The following ZNF251 variants were observed in gnomAD, a reference collection of about 807,000 sequenced individuals.
The protein encoded by ZNF251 is zinc finger protein 251.
A neutral mutation model predicts 13.5 loss-of-function variants in ZNF251; 14 were observed. That is an observed-to-expected ratio of 1.04 (90% CI 0.69 to 1.63). ZNF251 has a LOEUF of 1.63. Among genes scored for constraint, ZNF251 ranks in the 40% most tolerant of loss-of-function variants. The probability of loss-of-function intolerance (pLI) is 0.00; values close to 1 mark genes in which losing one functional copy is unlikely to be tolerated. For synonymous variants in ZNF251, 287 were observed against 295.2 expected (o/e 0.97, Z 0.28); for missense variants, 764 against 834.9 (o/e 0.92, Z 1.05).
chr8:144,741,432 T>C (rs912939718), intron 4 of ZNF251, among the ~76,000 whole-genome samples: 1 of 152,190 alleles, frequency 6.6e-6, no homozygotes, highest in African/African-American at 2.4e-5. Context: ...CATACACCCA[T>C]ACATACAGAA....
intron 4 of ZNF251, among the ~76,000 whole-genome samples, chr8:144,750,093 A>C (rs1824623911): frequency 6.6e-6 from 1 of 152,048 alleles, no homozygotes; most frequent in Non-Finnish European, 1.5e-5. Flanking sequence ...AGCCCTCAGC[A>C]CGTTAATCAT....
At chr8:144,737,504 G>A (rs1248258062) in intron 4 of ZNF251, among the ~76,000 whole-genome samples, 2 of 151,064 alleles carry the variant, frequency 1.3e-5, no homozygotes, top group Non-Finnish European at 2.9e-5. Flanking sequence ...GCGAGATTCC[G>A]TCGCAAAAAC....
chr8:144,754,575 G>A, intron 2 of ZNF251, 121 bp downstream of exon 2: 6 of 1,465,510 alleles, frequency 4.1e-6, no homozygotes, highest in Non-Finnish European at 5.4e-6. Flanking sequence ...CTTTCCTCAC[G>A]GTTGCTATGA....
In ZNF251 at chr8:144,754,771, G is replaced by C. The variant is rs1375770723; in HGVS notation, c.-43C>G. 3 of 1,605,166 alleles carry C rather than the reference G, an allele frequency of 1.9e-6. No individual in the cohort carries two copies. Among genetic ancestry groups the C allele is most frequent in the Non-Finnish European group, 2.6e-6 (3 of 1,176,016 alleles). On this transcript the variant is annotated 5_prime_UTR_variant, in exon 2 of 5. Transcript: ENST00000292562. ...CTGTGGTTTCCAAGAGAAGACAGGA[G>C]ACTGCCCTGGCCTGAAGTCTCCCCG...
chr8:144,730,630 CA>C (rs1823666189), intron 4 of ZNF251, among the ~76,000 whole-genome samples: 1 of 152,194 alleles, frequency 6.6e-6, no homozygotes. Context: ...AAGGGACCCC[CA>C]ACAAACACGA....
rs144551115 is a variant in ZNF251, at chr8:144,730,987, G to A, written c.278-7605C>T. ...ACAGCAGCACCTTGGGCACTGTGTC[G>A]CGCAGACACATGGGATTAAGACTGA... On this transcript the variant is annotated intron_variant, in intron 4 of 4. Coordinates refer to ENST00000292562, the MANE Select transcript of ZNF251 (RefSeq NM_138367.2). Among the ~76,000 whole-genome samples the A allele has an allele frequency of 3.1e-3, 473 of 152,262 alleles. 3 individuals are homozygous for A. Among genetic ancestry groups the A allele is most frequent in the African/African-American group, 5.3e-3 (220 of 41,556 alleles).
chr8:144,737,344 C>A (rs375802372), intron 4 of ZNF251, among the ~76,000 whole-genome samples: 1 of 151,416 alleles, frequency 6.6e-6, no homozygotes, highest in Non-Finnish European at 1.5e-5. Flanking sequence ...GTGATCTGCC[C>A]GCTTTGGCCT....
At chr8:144,738,703 G>A (rs1824015270) in intron 4 of ZNF251, 2 of 985,276 alleles carry the variant, frequency 2.0e-6, no homozygotes, top group South Asian at 9.4e-5. Context: ...CCTCGTGGGG[G>A]CACCTGTTTG....
rs1411422590 is a variant in ZNF251, at chr8:144,755,519, C to G, written c.-190G>C. On this transcript the variant is annotated 5_prime_UTR_variant, in exon 1 of 5. Transcript: ENST00000292562. Reference sequence around the variant, plus strand: ...GGTCCAGAGCCGGGGAGGGGGCGGGCTAGGATGAAGAGGGCGGGCCGGGCC... The same window carrying G: ...GGTCCAGAGCCGGGGAGGGGGCGGGGTAGGATGAAGAGGGCGGGCCGGGCC... 25 of 1,285,832 alleles carry G rather than the reference C, an allele frequency of 1.9e-5. No individual in the cohort carries two copies. The highest frequency in any genetic ancestry group is 2.4e-5 in the Non-Finnish European group (24 of 988,100). 79.7% of individuals were successfully genotyped at this position (1,285,832 alleles called of 1,614,324 possible). A position where few individuals can be genotyped will look rare whatever the true frequency, so the allele number is the denominator to read the frequency against.
chr8:144,752,411 C>T (rs563140159), intron 4 of ZNF251, among the ~76,000 whole-genome samples: 1 of 152,282 alleles, frequency 6.6e-6, no homozygotes, highest in East Asian at 1.9e-4. Context: ...CACCAACTAT[C>T]TGGAAATTAA....
At chr8:144,753,457 G>C (rs1460055654) in intron 4 of ZNF251, 2 of 451,004 alleles carry the variant, frequency 4.4e-6, no homozygotes, top group African/African-American at 4.0e-5. Context: ...ACAAAAATAT[G>C]ATCAGAAGTA....
intron 4 of ZNF251, among the ~76,000 whole-genome samples, chr8:144,724,917 GCTT>G (rs1459461527): frequency 2.0e-5 from 3 of 152,148 alleles, no homozygotes; most frequent in African/African-American, 7.2e-5. Flanking sequence ...AGCCATCTGG[GCTT>G]GGCATTTTTT....
At chr8:144,748,746 T>C (rs1407186462) in intron 4 of ZNF251, among the ~76,000 whole-genome samples, 1 of 152,100 alleles carries the variant, frequency 6.6e-6, no homozygotes, top group Non-Finnish European at 1.5e-5. Context: ...AACTTTTTGA[T>C]GAGATGATTT....
At chr8:144,736,450 C>CTTTAT (rs1322168096) in intron 4 of ZNF251, among the ~76,000 whole-genome samples, 1 of 148,646 alleles carries the variant, frequency 6.7e-6, no homozygotes, top group African/African-American at 2.5e-5. Flanking sequence ...GTTCACCTTC[C>CTTTAT]TTTATTTTAT....
intron 4 of ZNF251, among the ~76,000 whole-genome samples, chr8:144,728,717 A>G (rs1823595228): frequency 6.6e-6 from 1 of 151,924 alleles, no homozygotes; most frequent in South Asian, 2.1e-4. Flanking sequence ...AATGTGACAC[A>G]AAGAAGTGAG....
chr8:144,727,002 T>C (rs1241753631), intron 4 of ZNF251, among the ~76,000 whole-genome samples: 2 of 152,118 alleles, frequency 1.3e-5, no homozygotes, highest in Non-Finnish European at 2.9e-5. Context: ...TAGTCAGTTA[T>C]GATGGTGCCA....
chr8:144,748,289 G>C (rs535074302), intron 4 of ZNF251, among the ~76,000 whole-genome samples: 10 of 152,034 alleles, frequency 6.6e-5, no homozygotes, highest in African/African-American at 2.4e-4. Flanking sequence ...GGCCAGGCTA[G>C]TCTTGAACTC....
In ZNF251 at chr8:144,747,002, C is replaced by G. The variant is rs573788098; in HGVS notation, c.277+6681G>C. On this transcript the variant is annotated intron_variant, in intron 4 of 4. Transcript: ENST00000292562. The stretch of plus-strand genomic sequence containing the variant: ...ATTTTTATTTCTTTTCTTCTGCTTA[C>G]TTTGTATTTAATTTGCTCTTCTTTT... Among the ~76,000 whole-genome samples, 24 of 152,140 alleles carry G rather than the reference C, an allele frequency of 1.6e-4. No individual in the cohort carries two copies. In the East Asian group the frequency reaches 4.1e-3, roughly 26 times the overall value.
At chr8:144,743,890 A>C (rs568822559) in intron 4 of ZNF251, among the ~76,000 whole-genome samples, 23 of 152,192 alleles carry the variant, frequency 1.5e-4, no homozygotes, top group Non-Finnish European at 2.9e-4. Flanking sequence ...CCCATTTTTT[A>C]AAATGGGCTG....
Sources: gnomAD v4.1 joint callset for allele counts (sites outside exome capture counted in the v4.1 genomes callset) on GRCh38, gnomAD v4.1.1 for gene constraint, MANE v1.5 for transcripts, NCBI Gene and HGNC (gene_info 2026-07-23, HGNC 2026-07-21) for gene names.